FBXL13: variants seen among roughly 807,000 people sequenced by gnomAD.
FBXL13 encodes the protein F-box and leucine rich repeat protein 13.
A neutral mutation model predicts 83.6 loss-of-function variants in FBXL13; 67 were observed. That is an observed-to-expected ratio of 0.80 (90% CI 0.66 to 0.98). The LOEUF is 0.98. Among genes scored for constraint, FBXL13 ranks in the 50% least tolerant of loss-of-function variants. The probability of loss-of-function intolerance (pLI) is 0.00; values close to 1 mark genes in which losing one functional copy is unlikely to be tolerated. For missense variants in FBXL13, 822 were observed against 866.5 expected, an observed-to-expected ratio of 0.95 and a Z score of 0.64; for synonymous variants, 272 against 299.5, an observed-to-expected ratio of 0.91 and a Z score of 0.95.
intron 17 of FBXL13, among the ~76,000 whole-genome samples, chr7:102,840,491 T>C (rs1181934065): frequency 6.6e-6 from 1 of 151,994 alleles, no homozygotes; most frequent in East Asian, 1.9e-4. Context: ...CCAGAAAGAG[T>C]TGATGGGTGT....
chr7:103,058,758 C>T (rs6979483), intron 1 of FBXL13, among the ~76,000 whole-genome samples: 1,670 of 152,294 alleles, frequency 0.011, 35 homozygotes, highest in African/African-American at 0.039. Flanking sequence ...AAATGAAGTT[C>T]AGCTTTATGG....
intron 9 of FBXL13, among the ~76,000 whole-genome samples, chr7:102,929,232 G>A (rs1818688068): frequency 6.6e-6 from 1 of 152,120 alleles, no homozygotes; most frequent in South Asian, 2.1e-4. Context: ...GGATTTCATG[G>A]GGAAAAATTA....
exon 1 of FBXL13, chr7:103,074,283 T>C (rs1326504568): frequency 2.0e-6 from 2 of 1,011,078 alleles, no homozygotes; most frequent in East Asian, 9.0e-5. Flanking sequence ...AGGTGACTAG[T>C]GCCTACTCCC....
In FBXL13 at chr7:103,024,492, A is replaced by G. The variant is rs190373706; in HGVS notation, c.495+571T>C. ...CAGTGAGCTGAGATTGCACCAATGCACTTCCAGCCTGGGCAACAAGAGCGA... is the reference window on the plus strand; with the variant it reads ...CAGTGAGCTGAGATTGCACCAATGCGCTTCCAGCCTGGGCAACAAGAGCGA... On this transcript the variant is annotated intron_variant, in intron 6 of 19. Transcript: ENST00000313221. Among the ~76,000 whole-genome samples the G allele has an allele frequency of 5.7e-5, 8 of 140,944 alleles. No homozygotes were observed. The East Asian group carries it at 1.5e-3, about 26-fold the overall frequency. The allele number at this position is 140,944 out of a possible 152,430, so 92.5% of individuals were successfully genotyped here. A position where few individuals can be genotyped will look rare whatever the true frequency, so the allele number is the denominator to read the frequency against.
intron 6 of FBXL13, among the ~76,000 whole-genome samples, chr7:103,006,827 T>G (rs575705292): frequency 6.6e-6 from 1 of 151,896 alleles, no homozygotes; most frequent in Non-Finnish European, 1.5e-5. Flanking sequence ...TTCTTTAAAA[T>G]AGCTATTATA....
intron 10 of FBXL13, 25 bp from the exon 12 acceptor site, chr7:102,913,240 A>G (rs781556723): frequency 1.7e-5 from 28 of 1,613,766 alleles, no homozygotes; most frequent in Non-Finnish European, 2.2e-5. Context: ...GAGAGGAAGG[A>G]AAGTATTATA....
intron 8 of FBXL13, among the ~76,000 whole-genome samples, chr7:102,938,521 C>T (rs2129474797): frequency 6.6e-6 from 1 of 152,214 alleles, no homozygotes; most frequent in South Asian, 2.1e-4. Flanking sequence ...GGAGAAGGAG[C>T]AAGCTTGTAA....
At chr7:103,018,650 CA>C (rs61305478) in intron 6 of FBXL13, among the ~76,000 whole-genome samples, 7,552 of 151,848 alleles carry the variant, frequency 0.05, 291 homozygotes, top group South Asian at 0.13. Flanking sequence ...AAATGGAAAA[CA>C]AAAAAACAAG....
chr7:103,070,558 C>T (rs527781926), intron 1 of FBXL13, among the ~76,000 whole-genome samples: 108 of 152,170 alleles, frequency 7.1e-4, no homozygotes, highest in East Asian at 3.9e-4. Context: ...CCATTTTGCA[C>T]GGCTATAAAG....
chr7:102,926,160 C>T, intron 10 of FBXL13, 114 bp downstream of exon 11: 1 of 783,648 alleles, frequency 1.3e-6, no homozygotes, highest in Non-Finnish European at 2.0e-6. Flanking sequence ...AAAAGCAGTG[C>T]CACAGTGGTG....
At chr7:102,814,142 G>A (rs1178307420) in intron 19 of FBXL13, among the ~76,000 whole-genome samples, 1 of 152,154 alleles carries the variant, frequency 6.6e-6, no homozygotes, top group Non-Finnish European at 1.5e-5. Context: ...CAGAAAAAAA[G>A]TAGGTCTAAC....
intron 5 of FBXL13, among the ~76,000 whole-genome samples, chr7:103,027,086 G>A (rs908766463): frequency 9.9e-5 from 15 of 152,060 alleles, no homozygotes; most frequent in Admixed American, 6.6e-5. Flanking sequence ...CTGAGGTCAC[G>A]AGTTCAAGAC....
chr7:102,861,963 CAG>C (rs1478211129), intron 16 of FBXL13, among the ~76,000 whole-genome samples: 5 of 137,960 alleles, frequency 3.6e-5, no homozygotes, highest in Admixed American at 3.0e-4. Context: ...GCCTGGATGA[CAG>C]AGTGAGACTG....
intron 8 of FBXL13, among the ~76,000 whole-genome samples, chr7:102,947,112 C>T (rs187280738): frequency 1.3e-5 from 2 of 152,218 alleles, no homozygotes; most frequent in African/African-American, 2.4e-5. Context: ...CAAATGTTAC[C>T]AGAGAGATGT....
At chr7:102,958,433 T>A (rs1483520712) in intron 8 of FBXL13, among the ~76,000 whole-genome samples, 1 of 151,718 alleles carries the variant, frequency 6.6e-6, no homozygotes, top group Non-Finnish European at 1.5e-5. Context: ...ATACCTAATA[T>A]AAATGATGAG....
At chr7:102,922,755 G>A (rs1584952939) in intron 10 of FBXL13, among the ~76,000 whole-genome samples, 2 of 151,990 alleles carry the variant, frequency 1.3e-5, no homozygotes, top group East Asian at 1.9e-4. Context: ...GGCGGATCAC[G>A]AGGTCAGGAG....
In FBXL13 at chr7:103,024,831, G is replaced by A. The variant is rs1231237893; in HGVS notation, c.495+232C>T. On this transcript the variant is annotated intron_variant, in intron 6 of 19. Coordinates refer to ENST00000313221, the Ensembl canonical transcript of FBXL13. The stretch of plus-strand genomic sequence containing the variant: ...TACATACATATATATGTATATATAT[G>A]TGTATATATATATATATATATATAT... 5.0e-3 allele frequency among the ~76,000 whole-genome samples: 564 copies of A among 113,292 alleles called. 7 individuals are homozygous for A. Among genetic ancestry groups the A allele is most frequent in the African/African-American group, 0.019 (544 of 28,288 alleles). 74.3% of individuals were successfully genotyped at this position (113,292 alleles called of 152,430 possible). A position where few individuals can be genotyped will look rare whatever the true frequency, so the allele number is the denominator to read the frequency against.
At chr7:103,052,716 G>A (rs1796941346) in intron 2 of FBXL13, among the ~76,000 whole-genome samples, 1 of 150,348 alleles carries the variant, frequency 6.7e-6, no homozygotes, top group Non-Finnish European at 1.5e-5. Context: ...TTTAACTTTT[G>A]CATTTTCAAC....
At chr7:103,056,191 T>C (rs373468651) in intron 1 of FBXL13, among the ~76,000 whole-genome samples, 1 of 152,212 alleles carries the variant, frequency 6.6e-6, no homozygotes, top group Non-Finnish European at 1.5e-5. Flanking sequence ...TAGTTCCTTT[T>C]CATGGCTGAG....
Sources: gnomAD v4.1 joint callset for allele counts (sites outside exome capture counted in the v4.1 genomes callset) on GRCh38, gnomAD v4.1.1 for gene constraint, MANE v1.5 for transcripts, NCBI Gene and HGNC (gene_info 2026-07-23, HGNC 2026-07-21) for gene names.